Variants in MYRIP observed in about 807,000 individuals in gnomAD.
MYRIP encodes rab effector MyRIP.
In MYRIP, 49 loss-of-function variants were observed where a neutral mutation model predicts 98.0. The observed-to-expected ratio is 0.50, with a 90% CI of 0.40 to 0.63. The LOEUF is 0.63. MYRIP is among the 30% of genes least tolerant of loss of function. The pLI is 0.00. For synonymous variants in MYRIP, 404 were observed against 409.5 expected (o/e 0.99, Z 0.16); for missense variants, 1,004 against 1,058.2 (o/e 0.95, Z 0.71).
chr3:39,956,215 C>T (rs751077437), intron 2 of MYRIP, among the ~76,000 whole-genome samples: 3 of 152,230 alleles, frequency 2.0e-5, no homozygotes, highest in Admixed American at 6.5e-5. Context: ...CCCAAATCAA[C>T]AGAATATACA....
chr3:40,190,686 G>C (rs999034970), intron 10 of MYRIP, among the ~76,000 whole-genome samples: 2 of 152,156 alleles, frequency 1.3e-5, no homozygotes, highest in African/African-American at 4.8e-5. Context: ...AGTGTGGTTT[G>C]TGAGTGTGGC....
intron 2 of MYRIP, among the ~76,000 whole-genome samples, chr3:39,933,086 A>G (rs1005468094): frequency 2.0e-5 from 3 of 152,246 alleles, no homozygotes; most frequent in Non-Finnish European, 4.4e-5. Context: ...AGTCTCATGC[A>G]TTATGATCTT....
intron 2 of MYRIP, among the ~76,000 whole-genome samples, chr3:40,036,087 G>C (rs1432077332): frequency 1.3e-5 from 2 of 151,780 alleles, no homozygotes; most frequent in East Asian, 3.9e-4. Flanking sequence ...ATTCAAAAAT[G>C]TCTAGAGAAT....
intron 10 of MYRIP, among the ~76,000 whole-genome samples, chr3:40,192,345 T>TATATATGTC (rs1559445051): frequency 3.3e-5 from 4 of 122,148 alleles, no homozygotes; most frequent in Admixed American, 8.2e-5. Context: ...ATATATGTCA[T>TATATATGTC]ATATATATTT....
At chr3:40,229,649 T>C (rs1050279058) in intron 11 of MYRIP, among the ~76,000 whole-genome samples, 4 of 152,238 alleles carry the variant, frequency 2.6e-5, no homozygotes, top group African/African-American at 7.2e-5. Flanking sequence ...TGTGGCTCTG[T>C]GGTGGGCTTG....
At chr3:40,163,957 A>G (rs1033702054) in intron 5 of MYRIP, among the ~76,000 whole-genome samples, 10 of 152,124 alleles carry the variant, frequency 6.6e-5, no homozygotes, top group African/African-American at 2.4e-4. Context: ...GTATGACCTC[A>G]AGTGCACCTC....
At chr3:40,104,520 T>A (rs750755741) in intron 3 of MYRIP, among the ~76,000 whole-genome samples, 1 of 152,234 alleles carries the variant, frequency 6.6e-6, no homozygotes, top group Admixed American at 6.5e-5. Flanking sequence ...TGTATAGTCA[T>A]ATACTAATTG....
rs534523763 is a variant in MYRIP at position 40,255,608 on chromosome 3, T to C, written c.2548-2526T>C. Among the ~76,000 whole-genome samples the C allele has an allele frequency of 9.2e-5, 14 of 152,182 alleles. No individual in the cohort carries two copies. The South Asian group carries it at 2.5e-3, about 27-fold the overall frequency. On this transcript the variant is annotated intron_variant, in intron 16 of 16. Coordinates refer to ENST00000302541, the MANE Select transcript of MYRIP (RefSeq NM_015460.4). The stretch of plus-strand genomic sequence containing the variant: ...AAAGGAGAATTCCAGATAAAAAGCA[T>C]TGAGAGAAAACAAGGAGGAAAGATG...
At chr3:40,068,958 A>G (rs1948172834) in intron 3 of MYRIP, among the ~76,000 whole-genome samples, 1 of 152,132 alleles carries the variant, frequency 6.6e-6, no homozygotes, top group Admixed American at 6.6e-5. Flanking sequence ...CAGCTACAAA[A>G]CCCAGGCACA....
chr3:40,184,692 A>G (rs1950980695), intron 9 of MYRIP, among the ~76,000 whole-genome samples: 1 of 152,258 alleles, frequency 6.6e-6, no homozygotes, highest in African/African-American at 2.4e-5. Flanking sequence ...ATTTCACAAA[A>G]TAGTTTCCAA....
At chr3:40,183,142 C>T (rs998099749) in intron 9 of MYRIP, among the ~76,000 whole-genome samples, 7 of 152,296 alleles carry the variant, frequency 4.6e-5, no homozygotes, top group East Asian at 1.9e-4. Flanking sequence ...GGAGAGCTCA[C>T]GCCACTTTCA....
At chr3:39,890,532 TCTG>T (rs1393072897) in intron 1 of MYRIP, among the ~76,000 whole-genome samples, 2 of 152,050 alleles carry the variant, frequency 1.3e-5, no homozygotes, top group African/African-American at 4.8e-5. Flanking sequence ...TTGTATAGTT[TCTG>T]AGTTCTTATT....
chr3:40,181,143 T>C (rs936791306), intron 8 of MYRIP, among the ~76,000 whole-genome samples: 1 of 151,996 alleles, frequency 6.6e-6, no homozygotes, highest in African/African-American at 2.4e-5. Context: ...TACAGTTTAC[T>C]GTGAGTGCAG....
intron 3 of MYRIP, among the ~76,000 whole-genome samples, chr3:40,096,261 G>T (rs531476240): frequency 3.3e-5 from 5 of 152,206 alleles, no homozygotes; most frequent in African/African-American, 4.8e-5. Flanking sequence ...AGTCAAAAAA[G>T]GGGTGACCTG....
At chr3:40,105,251 A>G (rs1370192475) in intron 3 of MYRIP, among the ~76,000 whole-genome samples, 1 of 152,226 alleles carries the variant, frequency 6.6e-6, no homozygotes, top group African/African-American at 2.4e-5. Context: ...CAGCTGAGCC[A>G]TCTCCTAAAT....
chr3:39,860,553 C>A (rs570324824), intron 1 of MYRIP, among the ~76,000 whole-genome samples: 1 of 152,266 alleles, frequency 6.6e-6, no homozygotes, highest in South Asian at 2.1e-4. Flanking sequence ...CACGGGGGCC[C>A]AGCCTGGCTG....
chr3:40,254,121 A>G (rs946211291), intron 16 of MYRIP, among the ~76,000 whole-genome samples: 1 of 152,230 alleles, frequency 6.6e-6, no homozygotes, highest in Non-Finnish European at 1.5e-5. Context: ...TTTTGCTTAA[A>G]AACTGTCAAT....
At chr3:39,940,215 A>C (rs746811084) in intron 2 of MYRIP, among the ~76,000 whole-genome samples, 24 of 152,082 alleles carry the variant, frequency 1.6e-4, no homozygotes, top group Non-Finnish European at 3.1e-4. Context: ...ATGCATTTTG[A>C]ATCATTTTCC....
chr3:39,976,867 A>T (rs1175600583), intron 2 of MYRIP, among the ~76,000 whole-genome samples: 1 of 152,136 alleles, frequency 6.6e-6, no homozygotes, highest in Non-Finnish European at 1.5e-5. Context: ...GGACACAGGA[A>T]GGGGAACATC....
Sources: allele counts gnomAD v4.1 joint callset (sites outside exome capture counted in the v4.1 genomes callset), GRCh38; gene constraint gnomAD v4.1.1; transcripts MANE v1.5; gene names NCBI Gene and HGNC (gene_info 2026-07-23, HGNC 2026-07-21).